Variants in ACTN4 observed in about 807,000 individuals in gnomAD.
ACTN4 encodes actinin alpha 4.
A neutral mutation model predicts 114.2 loss-of-function variants in ACTN4; 18 were observed. The ratio of observed to expected loss-of-function variants is 0.16; its 90% CI spans 0.11 to 0.23. ACTN4 has a LOEUF of 0.23. ACTN4 is among the 10% of genes least tolerant of loss of function. The pLI is 1.00. For synonymous variants in ACTN4, 515 were observed against 506.3 expected, an observed-to-expected ratio of 1.02 and a Z score of -0.23; for missense variants, 722 against 1,262.9, an observed-to-expected ratio of 0.57 and a Z score of 6.49.
chr19:38,688,407 A>C (rs1464743218), intron 1 of ACTN4, among the ~76,000 whole-genome samples: 2 of 150,880 alleles, frequency 1.3e-5, no homozygotes, highest in Non-Finnish European at 3.0e-5. Flanking sequence ...AAAAAAAAAA[A>C]AAAACCCACA....
At chr19:38,682,576 C>T (rs1967610366) in intron 1 of ACTN4, among the ~76,000 whole-genome samples, 1 of 152,218 alleles carries the variant, frequency 6.6e-6, no homozygotes, top group Admixed American at 6.5e-5. Context: ...TCCAGCCTCA[C>T]TGCTGGAACC....
chr19:38,647,709 G>T lies in ACTN4; in HGVS notation c.-37G>T, dbSNP rs1170252421. On this transcript the variant is annotated 5_prime_UTR_variant, in exon 1 of 21. Transcript: ENST00000252699. ...GGCAGAGGGGCGGGAGCTGAGGCGG[G>T]AGCGGACAGGCTGGTGGGCGAGCGA... 2 of 1,525,852 alleles carry T rather than the reference G, an allele frequency of 1.3e-6. No homozygotes were observed. Among genetic ancestry groups the T allele is most frequent in the Non-Finnish European group, 1.8e-6 (2 of 1,137,790 alleles). 94.5% of individuals were successfully genotyped at this position (1,525,852 alleles called of 1,614,324 possible). A position where few individuals can be genotyped will look rare whatever the true frequency, so the allele number is the denominator to read the frequency against.
intron 12 of ACTN4, 174 bp downstream of exon 12, chr19:38,721,862 TG>T: frequency 1.1e-6 from 1 of 932,912 alleles, no homozygotes; most frequent in Admixed American, 2.0e-5. Context: ...TGAGGCCTTT[TG>T]CCCATCCTGT....
At chr19:38,722,019 G>GA (rs1322649687) in intron 12 of ACTN4, 1 of 436,984 alleles carries the variant, frequency 2.3e-6, no homozygotes, top group Admixed American at 3.5e-5. Context: ...GTCCCCTGAT[G>GA]GGATGGGCCC....
chr19:38,683,709 A>T (rs770535184), intron 1 of ACTN4, among the ~76,000 whole-genome samples: 1 of 152,234 alleles, frequency 6.6e-6, no homozygotes, highest in Non-Finnish European at 1.5e-5. Flanking sequence ...GTCAGTTAAC[A>T]TGCTGTCTTG....
At chr19:38,726,706 A>G (rs546077864) in intron 17 of ACTN4, among the ~76,000 whole-genome samples, 1 of 152,338 alleles carries the variant, frequency 6.6e-6, no homozygotes, top group East Asian at 1.9e-4. Flanking sequence ...CAGTCTCCAC[A>G]GGGATCCCGG....
chr19:38,720,039 AT>A (rs1411493219), intron 11 of ACTN4, among the ~76,000 whole-genome samples: 1 of 152,180 alleles, frequency 6.6e-6, no homozygotes, highest in East Asian at 1.9e-4. Flanking sequence ...TGGCCTACTA[AT>A]TCCCAAGACT....
In ACTN4 at chr19:38,730,243, T is replaced by G. The variant is rs1443309954; in HGVS notation, c.*811T>G. ...TACGGATTTATTATATAAATATATA[T>G]TCACCTAGCAACATATCTCTGCCGT... On this transcript the variant is annotated 3_prime_UTR_variant, in exon 21 of 21. Coordinates refer to ENST00000252699, the MANE Select transcript of ACTN4 (RefSeq NM_004924.6). The G allele has an allele frequency of 1.9e-5, 3 of 158,216 alleles. No individual in the cohort carries two copies. Among genetic ancestry groups the G allele is most frequent in the Non-Finnish European group, 4.2e-5 (3 of 71,494 alleles). 9.8% of individuals were successfully genotyped at this position (158,216 alleles called of 1,614,324 possible).
At chr19:38,698,664 G>T (rs1022886323) in intron 1 of ACTN4, among the ~76,000 whole-genome samples, 7 of 152,198 alleles carry the variant, frequency 4.6e-5, no homozygotes, top group African/African-American at 7.2e-5. Context: ...CGGGGCGGAG[G>T]TATCTTTAGT....
rs749612778 is a variant in ACTN4, at chr19:38,708,117, C to T, written c.573C>T (p.Ser191=). ...ATAACCTTTGCCTTTCCTTCCCCAG[C>T]TGGAAGGATGGTCTTGCCTTCAATG... The part of the protein sequence containing the change: ...KNVNVQNFHI[S]WKDGLAFNAL... Residue 191 remains serine (S), a splice_region_variant and synonymous_variant, in exon 6 of 21, where the codon AGC becomes AGT. Transcript: ENST00000252699. 2.8e-5 allele frequency: 46 copies of T among 1,614,086 alleles called. No homozygotes were observed. Among genetic ancestry groups the T allele is most frequent in the South Asian group, 2.6e-4 (24 of 91,088 alleles).
intron 8 of ACTN4, among the ~76,000 whole-genome samples, chr19:38,712,178 G>T (rs1186923197): frequency 1.3e-5 from 2 of 152,184 alleles, no homozygotes; most frequent in Non-Finnish European, 2.9e-5. Flanking sequence ...AGGAGGGCTA[G>T]GCGCAGTTAG....
intron 1 of ACTN4, among the ~76,000 whole-genome samples, chr19:38,686,211 A>G (rs141081769): frequency 6.6e-6 from 1 of 152,292 alleles, no homozygotes; most frequent in East Asian, 1.9e-4. Context: ...GTCTGGATGA[A>G]CAAATCCCTG....
At chr19:38,662,924 T>A (rs982198237) in intron 1 of ACTN4, among the ~76,000 whole-genome samples, 10 of 151,482 alleles carry the variant, frequency 6.6e-5, no homozygotes, top group African/African-American at 1.7e-4. Context: ...TTTTTTTTTT[T>A]AAAGACAGAG....
intron 19 of ACTN4, chr19:38,728,432 C>A: frequency 9.5e-7 from 1 of 1,047,656 alleles, no homozygotes; most frequent in Non-Finnish European, 1.3e-6. Context: ...CCTCCTCCTC[C>A]TCCTCCTCCT....
intron 1 of ACTN4, among the ~76,000 whole-genome samples, chr19:38,697,309 C>A (rs959334524): frequency 6.6e-6 from 1 of 152,184 alleles, no homozygotes; most frequent in African/African-American, 2.4e-5. Flanking sequence ...AGTGGGTGGT[C>A]TGAGAGCCTT....
intron 11 of ACTN4, among the ~76,000 whole-genome samples, chr19:38,719,796 AG>A (rs1968974365): frequency 6.6e-6 from 1 of 152,210 alleles, no homozygotes; most frequent in Non-Finnish European, 1.5e-5. Context: ...GGGCTCCATG[AG>A]GCCCTGCAGA....
At chr19:38,719,930 A>C (rs570394477) in intron 11 of ACTN4, among the ~76,000 whole-genome samples, 1 of 152,322 alleles carries the variant, frequency 6.6e-6, no homozygotes, top group Admixed American at 6.5e-5. Context: ...GCCAGGGCCC[A>C]GCTGGTTCAG....
In ACTN4 at chr19:38,702,657, G is replaced by A. The variant is rs371929610; in HGVS notation, c.397+1536G>A. Among the ~76,000 whole-genome samples, 8 of 152,310 alleles carry A rather than the reference G, an allele frequency of 5.3e-5. No individual in the cohort carries two copies. The East Asian group carries it at 1.5e-3, about 29-fold the overall frequency. ...TGCCTCGCTGCACTAAGGGGCAGGT[G>A]GTGCTGCTCAGTTTCTGGGTCTGGG... On this transcript the variant is annotated intron_variant, in intron 3 of 20. Transcript: ENST00000252699.
intron 8 of ACTN4, chr19:38,711,158 C>T: frequency 3.1e-6 from 1 of 326,616 alleles, no homozygotes; most frequent in Non-Finnish European, 4.4e-6. Context: ...CTGGGGCTGG[C>T]TTCCAGTCCA....
Sources: gnomAD v4.1 joint callset for allele counts (sites outside exome capture counted in the v4.1 genomes callset) on GRCh38, gnomAD v4.1.1 for gene constraint, MANE v1.5 for transcripts, NCBI Gene and HGNC (gene_info 2026-07-23, HGNC 2026-07-21) for gene names.